Variants in SH3BP2 observed in about 807,000 individuals in gnomAD.
SH3BP2 encodes the protein SH3 domain-binding protein 2.
In SH3BP2, 38 loss-of-function variants were observed where a neutral mutation model predicts 56.2. The ratio of observed to expected loss-of-function variants is 0.68; its 90% confidence interval spans 0.52 to 0.89. SH3BP2 has a LOEUF of 0.89. Among genes scored for constraint, SH3BP2 ranks in the 40% least tolerant of loss-of-function variants. SH3BP2 has a pLI of 0.00. For missense variants in SH3BP2, 748 were observed against 762.6 expected (o/e 0.98, Z 0.23); for synonymous variants, 346 against 316.7 (o/e 1.09, Z -0.98).
chr4:2,838,887 A>T lies in SH3BP2; in HGVS notation c.*5053A>T, dbSNP rs1725324975. ...AATTTTTCTAGGGTTTGTACTCAGGAGTCTGACTCCTGGGTTCTAGGGTAT... is the reference window on the plus strand; with the variant it reads ...AATTTTTCTAGGGTTTGTACTCAGGTGTCTGACTCCTGGGTTCTAGGGTAT... On this transcript the variant is annotated 3_prime_UTR_variant, in exon 13 of 13. Coordinates refer to ENST00000503393, the MANE Select transcript of SH3BP2 (RefSeq NM_001122681.2). 1 of 152,128 alleles carries T rather than the reference A, an allele frequency of 6.6e-6. No homozygotes were observed. The highest frequency in any genetic ancestry group is 1.5e-5 in the Non-Finnish European group (1 of 68,020). 9.4% of individuals were successfully genotyped at this position (152,128 alleles called of 1,614,324 possible).
At chr4:2,824,878 CTGGG>C in intron 4 of SH3BP2, 148 bp downstream of exon 4, 1 of 711,204 alleles carries the variant, frequency 1.4e-6, no homozygotes, top group Non-Finnish European at 2.5e-6. Flanking sequence ...ACACAGGCAG[CTGGG>C]TGGGTGCTGC....
intron 1 of SH3BP2, chr4:2,799,322 G>A (rs1423567451): frequency 2.3e-5 from 23 of 985,258 alleles, no homozygotes; most frequent in Non-Finnish European, 2.7e-5. Context: ...TGGGGCCCTG[G>A]GTGTGTAAAG....
Position 2,829,459 on chromosome 4 carries a change from G to A in SH3BP2, c.587-34G>A. On this transcript the variant is annotated intron_variant, in intron 7 of 12. Coordinates refer to ENST00000503393, the MANE Select transcript of SH3BP2 (RefSeq NM_001122681.2). The surrounding 1 kb of genome is among the most constrained non-coding windows in gnomAD (Gnocchi z 4.9). ...AGAGGATAGTGTTGGCCCAGTCTCT[G>A]TCAGGGTCCAACCCGGGTCTCTTTG... 1.2e-6 allele frequency: 2 copies of A among 1,611,358 alleles called. No individual in the cohort carries two copies. Among genetic ancestry groups the A allele is most frequent in the Non-Finnish European group, 1.7e-6 (2 of 1,178,210 alleles).
intron 1 of SH3BP2, among the ~76,000 whole-genome samples, chr4:2,802,494 GTA>G (rs1323867963): frequency 1.4e-5 from 2 of 145,656 alleles, no homozygotes; most frequent in African/African-American, 2.5e-5. Flanking sequence ...ATGTGTATAT[GTA>G]TATATATGTT....
intron 1 of SH3BP2, among the ~76,000 whole-genome samples, chr4:2,814,013 C>T (rs778928523): frequency 6.6e-6 from 1 of 152,224 alleles, no homozygotes; most frequent in Non-Finnish European, 1.5e-5. Flanking sequence ...TCACCACTAA[C>T]AGTAAGTCCT....
At chr4:2,826,932 T>C (rs565655685) in intron 5 of SH3BP2, 1 of 589,594 alleles carries the variant, frequency 1.7e-6, no homozygotes, top group East Asian at 3.7e-5. Flanking sequence ...TGTGTGCCTG[T>C]GTTCCTGCGT....
At chr4:2,832,882 C>T (rs990784976) in intron 11 of SH3BP2, 108 bp from the exon 12 acceptor site, 3 of 1,163,916 alleles carry the variant, frequency 2.6e-6, no homozygotes, top group African/African-American at 3.0e-5. Flanking sequence ...CCGAGGGCCA[C>T]AGGACCCAGC....
At chr4:2,823,240 T>G (rs1289971971) in intron 3 of SH3BP2, among the ~76,000 whole-genome samples, 1 of 152,178 alleles carries the variant, frequency 6.6e-6, no homozygotes, top group Non-Finnish European at 1.5e-5. Context: ...GCGCAGGACC[T>G]TGGGGGTGCC....
chr4:2,840,007 T>A lies in SH3BP2; in HGVS notation c.*6173T>A, dbSNP rs1473518790. On this transcript the variant is annotated 3_prime_UTR_variant, in exon 13 of 13. Transcript: ENST00000503393. ...TTGGGGGCAGAGGCAGGAGGATTAC[T>A]TGAGCTCAGGAGTTTGAGACCAACC... 1 of 152,000 alleles carries A rather than the reference T, an allele frequency of 6.6e-6. No individual in the cohort carries two copies. Among genetic ancestry groups the A allele is most frequent in the Non-Finnish European group, 1.5e-5 (1 of 68,008 alleles). The allele number at this position is 152,000 out of a possible 1,614,324, so 9.4% of individuals were successfully genotyped here.
chr4:2,810,735 C>G lies in SH3BP2; in HGVS notation c.-4-9879C>G, dbSNP rs1723714632. ...GGCCCCTCCTCTGGGAGGCGTTCCCCAGTCCAGAACCCACAGGGCCTGGTC... is the reference window on the plus strand; with the variant it reads ...GGCCCCTCCTCTGGGAGGCGTTCCCGAGTCCAGAACCCACAGGGCCTGGTC... On this transcript the variant is annotated intron_variant, in intron 1 of 12. Transcript: ENST00000503393. The surrounding 1 kb of genome is among the most constrained non-coding windows in gnomAD (Gnocchi z 4.2). Among the ~76,000 whole-genome samples the G allele has an allele frequency of 1.3e-5, 2 of 152,156 alleles. No individual in the cohort carries two copies. The highest frequency in any genetic ancestry group is 1.3e-4 in the Admixed American group (2 of 15,290).
intron 1 of SH3BP2, among the ~76,000 whole-genome samples, chr4:2,795,721 AGGCGGGC>A (rs1723039086): frequency 6.6e-6 from 1 of 152,154 alleles, no homozygotes; most frequent in Admixed American, 6.5e-5. Context: ...ACTAAGCCAA[AGGCGGGC>A]GGTAGGGAGG....
In SH3BP2 at chr4:2,833,967, ATC is replaced by A; in HGVS notation, c.*136_*137del. ...CTTGCCTAGGGCCTCTGTGATGGAC[ATC>A]TCGTAGGACCCAGCCAGTCTCATCC... is the stretch of plus-strand genomic sequence containing the variant. On this transcript the variant is annotated 3_prime_UTR_variant, in exon 13 of 13. Transcript: ENST00000503393. The A allele has an allele frequency of 9.2e-7, 1 of 1,092,698 alleles. No homozygotes were observed. Among genetic ancestry groups the A allele is most frequent in the Non-Finnish European group, 1.3e-6 (1 of 778,284 alleles). The allele number at this position is 1,092,698 out of a possible 1,614,324, so 67.7% of individuals were successfully genotyped here. A position where few individuals can be genotyped will look rare whatever the true frequency, so the allele number is the denominator to read the frequency against.
Position 2,836,305 on chromosome 4 carries a change from G to C in SH3BP2, c.*2471G>C, listed in dbSNP as rs549117793. The C allele has an allele frequency of 6.6e-6, 1 of 152,436 alleles. No homozygotes were observed. Among genetic ancestry groups the C allele is most frequent in the East Asian group, 1.9e-4 (1 of 5,198 alleles). The allele number at this position is 152,436 out of a possible 1,614,324, so 9.4% of individuals were successfully genotyped here. On this transcript the variant is annotated 3_prime_UTR_variant, in exon 13 of 13. Transcript: ENST00000503393. ...GGCCGTGGTCCTCCAGCATGAAGAA[G>C]GAGCCATGAGGAGTTCCCATGACCT...
chr4:2,815,354 C>T (rs901463239), intron 1 of SH3BP2, among the ~76,000 whole-genome samples: 11 of 152,214 alleles, frequency 7.2e-5, no homozygotes, highest in Non-Finnish European at 1.3e-4. Flanking sequence ...GAGGAATTCC[C>T]AGGGGAGGTG....
chr4:2,812,593 A>C (rs1011005096), intron 1 of SH3BP2: 5 of 1,332,822 alleles, frequency 3.8e-6, no homozygotes, highest in Non-Finnish European at 5.1e-6. Flanking sequence ...TGGCCGTGGG[A>C]GCCCACAGGA....
chr4:2,826,441 T>G (rs1299824348), intron 5 of SH3BP2: 2 of 210,932 alleles, frequency 9.5e-6, no homozygotes, highest in East Asian at 3.0e-4. Flanking sequence ...TGTGTGCATG[T>G]CCGCGTGTTG....
chr4:2,815,637 C>T (rs1486328104), intron 1 of SH3BP2, among the ~76,000 whole-genome samples: 2 of 152,246 alleles, frequency 1.3e-5, no homozygotes, highest in African/African-American at 2.4e-5. Context: ...CACTTTGACA[C>T]ACAGGCCAGG....
At position 2,827,965 on chromosome 4, in the gene SH3BP2, G is replaced by A. The variant is rs1233403854; in HGVS notation, c.586+291G>A. Among the ~76,000 whole-genome samples the A allele has an allele frequency of 3.9e-5, 6 of 152,300 alleles. 1 individual carries two copies. In the Middle Eastern group the frequency reaches 0.014, roughly 345 times the overall value. On this transcript the variant is annotated intron_variant, in intron 7 of 12. Transcript: ENST00000503393. ...GGGTTAAGCATGGGGAAGGAAGGAC[G>A]CTGAGGAGCGCGCAGGCTCAGGGCA...
chr4:2,823,213 G>A (rs891537679), intron 3 of SH3BP2, among the ~76,000 whole-genome samples, 176 bp downstream of exon 3: 3 of 152,172 alleles, frequency 2.0e-5, no homozygotes, highest in African/African-American at 7.2e-5. Context: ...CGCCCTCTCC[G>A]CGTGTCCTGC....
Sources: allele counts gnomAD v4.1 joint callset (sites outside exome capture counted in the v4.1 genomes callset), GRCh38; gene constraint gnomAD v4.1.1; non-coding constraint Gnocchi (gnomAD v3.1); transcripts MANE v1.5; gene names NCBI Gene and HGNC (gene_info 2026-07-23, HGNC 2026-07-21).